Variants in GTF2F2 observed in about 807,000 individuals in gnomAD.
GTF2F2 encodes general transcription factor IIF subunit 2.
GTF2F2 carries 23 observed loss-of-function variants against 42.2 expected under a neutral mutation model. That is an observed-to-expected ratio of 0.55 (90% CI 0.39 to 0.77). The LOEUF is 0.77. Ranked by LOEUF, GTF2F2 falls within the 30% of genes least tolerant of loss-of-function variation. The probability of loss-of-function intolerance (pLI) is 0.00; values close to 1 mark genes in which losing one functional copy is unlikely to be tolerated. For synonymous variants in GTF2F2, 105 were observed against 100.8 expected, an observed-to-expected ratio of 1.04 and a Z score of -0.25; for missense variants, 261 against 287.2, an observed-to-expected ratio of 0.91 and a Z score of 0.66.
At chr13:45,169,998 T>C (rs114453468) in intron 4 of GTF2F2, among the ~76,000 whole-genome samples, 1 of 152,168 alleles carries the variant, frequency 6.6e-6, no homozygotes, top group Non-Finnish European at 1.5e-5. Flanking sequence ...TATTTTATTT[T>C]ATTTGATTTT....
rs76039248 is a variant in GTF2F2 at position 45,178,096 on chromosome 13, C to T, written c.304+26265C>T. On this transcript the variant is annotated intron_variant, in intron 4 of 7. Transcript: ENST00000340473. ...CCTTCATTTGTAGAAAACTTTCTGA[C>T]ACCTGCCCTTTAAATGTTACTTCTA... 6.2e-3 allele frequency among the ~76,000 whole-genome samples: 950 copies of T among 152,206 alleles called. 11 individuals carry two copies. Among genetic ancestry groups the T allele is most frequent in the African/African-American group, 0.022 (906 of 41,534 alleles).
intron 4 of GTF2F2, among the ~76,000 whole-genome samples, chr13:45,182,335 G>A (rs1872205353): frequency 6.6e-6 from 1 of 151,986 alleles, no homozygotes; most frequent in African/African-American, 2.4e-5. Flanking sequence ...TACCTCAGGT[G>A]ATCCACCTGC....
rs920811599 is a variant in GTF2F2, at chr13:45,120,609, C to T, written c.-47C>T. ...ACGCCCGCTCCTCAGCCCTGCGGCTCCTGGGGTCGCTGCTGCATCCCGCAC... is the reference window on the plus strand; with the variant it reads ...ACGCCCGCTCCTCAGCCCTGCGGCTTCTGGGGTCGCTGCTGCATCCCGCAC... On this transcript the variant is annotated 5_prime_UTR_variant, in exon 1 of 8. Coordinates refer to ENST00000340473, the MANE Select transcript of GTF2F2 (RefSeq NM_004128.3). 6.9e-7 allele frequency: 1 copy of T among 1,454,416 alleles called. No individual in the cohort carries two copies. The highest frequency in any genetic ancestry group is 1.4e-5 in the African/African-American group (1 of 71,142). The allele number at this position is 1,454,416 out of a possible 1,614,324, so 90.1% of individuals were successfully genotyped here. A position where few individuals can be genotyped will look rare whatever the true frequency, so the allele number is the denominator to read the frequency against.
intron 6 of GTF2F2, among the ~76,000 whole-genome samples, chr13:45,255,424 A>G (rs955756715): frequency 6.6e-6 from 1 of 152,220 alleles, no homozygotes; most frequent in Admixed American, 6.5e-5. Context: ...TTGCTACACT[A>G]TGTGAGTTAA....
chr13:45,264,439 GC>G (rs1186037905), intron 6 of GTF2F2, among the ~76,000 whole-genome samples: 1 of 151,872 alleles, frequency 6.6e-6, no homozygotes, highest in East Asian at 1.9e-4. Flanking sequence ...GTGCCACCAC[GC>G]CCAGCTAATT....
intron 5 of GTF2F2, among the ~76,000 whole-genome samples, chr13:45,218,385 A>G (rs1482442137): frequency 6.6e-6 from 1 of 152,216 alleles, no homozygotes; most frequent in Non-Finnish European, 1.5e-5. Flanking sequence ...CTGTCAGAAA[A>G]TTGTGGTAAT....
intron 2 of GTF2F2, among the ~76,000 whole-genome samples, chr13:45,138,472 A>G (rs897399132): frequency 3.3e-5 from 5 of 152,162 alleles, no homozygotes; most frequent in Non-Finnish European, 5.9e-5. Context: ...TTAACCATTA[A>G]CCTAGACTTG....
intron 7 of GTF2F2, among the ~76,000 whole-genome samples, chr13:45,279,714 T>C (rs1296878983): frequency 6.6e-6 from 1 of 152,156 alleles, no homozygotes; most frequent in Admixed American, 6.5e-5. Flanking sequence ...AAGACCAGCC[T>C]GGCCAACATG....
chr13:45,212,599 T>C (rs1159951181), intron 5 of GTF2F2, among the ~76,000 whole-genome samples: 1 of 151,642 alleles, frequency 6.6e-6, no homozygotes, highest in Non-Finnish European at 1.5e-5. Context: ...TCTTGCTTGC[T>C]CTGTTTCCCA....
chr13:45,253,623 C>T (rs150577409), intron 6 of GTF2F2, among the ~76,000 whole-genome samples: 17 of 152,304 alleles, frequency 1.1e-4, no homozygotes, highest in South Asian at 6.2e-4. Flanking sequence ...GTAAGTTGTG[C>T]AACCTTCTGA....
chr13:45,165,806 CT>C (rs5803286), intron 4 of GTF2F2, among the ~76,000 whole-genome samples: 5,502 of 88,900 alleles, frequency 0.062, 111 homozygotes, highest in African/African-American at 0.2. Flanking sequence ...TCAGTACATT[CT>C]TTTTTTTTTT....
At chr13:45,253,920 A>T (rs980675720) in intron 6 of GTF2F2, among the ~76,000 whole-genome samples, 2 of 152,148 alleles carry the variant, frequency 1.3e-5, no homozygotes, top group African/African-American at 4.8e-5. Flanking sequence ...TAAAAATACA[A>T]AAATTAGTCG....
At position 45,136,751 on chromosome 13, in the gene GTF2F2, C is replaced by G; in HGVS notation, c.85C>G (p.Gln29Glu). 4 of 1,591,404 alleles carry G rather than the reference C, an allele frequency of 2.5e-6. No individual in the cohort carries two copies. The highest frequency in any genetic ancestry group is 3.4e-6 in the Non-Finnish European group (4 of 1,161,240). ...WLVKVPKYLS[Q>E]QWAKASGRGE... is the part of the protein sequence containing the mutation. Reference sequence around the variant, plus strand: ...GTTTTAGGTTCCTAAATATTTGTCACAGCAATGGGCTAAAGCCTCTGGAAG... The same window carrying G: ...GTTTTAGGTTCCTAAATATTTGTCAGAGCAATGGGCTAAAGCCTCTGGAAG... Residue 29 changes from glutamine (Q) to glutamate (E), a missense_variant, in exon 2 of 8, where the codon CAG (glutamine) becomes GAG (glutamate). Transcript: ENST00000340473.
intron 7 of GTF2F2, among the ~76,000 whole-genome samples, chr13:45,268,094 C>T (rs1236018660): frequency 6.6e-6 from 1 of 152,042 alleles, no homozygotes; most frequent in Non-Finnish European, 1.5e-5. Flanking sequence ...GTCTTTGAGT[C>T]ACATTGTTTT....
intron 5 of GTF2F2, among the ~76,000 whole-genome samples, chr13:45,243,995 C>A (rs1875456884): frequency 6.6e-6 from 1 of 152,176 alleles, no homozygotes; most frequent in African/African-American, 2.4e-5. Flanking sequence ...ATTTTCTATC[C>A]ACAGTTGGTT....
intron 4 of GTF2F2, among the ~76,000 whole-genome samples, chr13:45,179,086 G>C (rs570487224): frequency 6.6e-6 from 1 of 152,190 alleles, no homozygotes; most frequent in Non-Finnish European, 1.5e-5. Context: ...TTAAGGACTG[G>C]GCTTGGAACT....
chr13:45,138,821 T>C (rs1869768934), intron 2 of GTF2F2, among the ~76,000 whole-genome samples: 1 of 152,184 alleles, frequency 6.6e-6, no homozygotes, highest in South Asian at 2.1e-4. Flanking sequence ...AATTTTTGTA[T>C]TTTTAGTAGA....
chr13:45,219,060 A>G (rs909788488), intron 5 of GTF2F2, among the ~76,000 whole-genome samples: 1 of 152,132 alleles, frequency 6.6e-6, no homozygotes, highest in African/African-American at 2.4e-5. Flanking sequence ...AAGGCTGCTC[A>G]AAGGAAATGA....
chr13:45,169,604 T>C (rs1256936850), intron 4 of GTF2F2, among the ~76,000 whole-genome samples: 4 of 152,228 alleles, frequency 2.6e-5, no homozygotes, highest in Admixed American at 1.3e-4. Context: ...GATTTTCTTC[T>C]TGTGTTTTGC....
Sources: allele counts gnomAD v4.1 joint callset (sites outside exome capture counted in the v4.1 genomes callset), GRCh38; gene constraint gnomAD v4.1.1; transcripts MANE v1.5; gene names NCBI Gene and HGNC (gene_info 2026-07-23, HGNC 2026-07-21).